The following PEX5L variants were observed in gnomAD, a reference collection of about 807,000 sequenced individuals.
The protein encoded by PEX5L is PEX5-related protein.
PEX5L carries 30 observed loss-of-function variants against 84.0 expected under a neutral mutation model. The observed-to-expected ratio is 0.36, with a 90% CI of 0.27 to 0.48. PEX5L has a LOEUF of 0.48. Ranked by LOEUF, PEX5L falls within the 20% of genes least tolerant of loss-of-function variation. PEX5L has a pLI of 0.99. For missense variants in PEX5L, 533 were observed against 754.6 expected (o/e 0.71, Z 3.44); for synonymous variants, 270 against 283.1 (o/e 0.95, Z 0.46).
intron 2 of PEX5L, among the ~76,000 whole-genome samples, chr3:179,930,728 C>T: frequency 6.6e-6 from 1 of 152,196 alleles, no homozygotes; most frequent in East Asian, 1.9e-4. Context: ...TAATTTTACT[C>T]TAAAAATGGT....
intron 2 of PEX5L, among the ~76,000 whole-genome samples, chr3:179,939,349 C>T (rs574330056): frequency 8.5e-5 from 13 of 152,296 alleles, no homozygotes; most frequent in South Asian, 8.3e-4. Flanking sequence ...CCACATACCT[C>T]GATAACTTGT....
intron 7 of PEX5L, among the ~76,000 whole-genome samples, chr3:179,871,961 A>T (rs987543703): frequency 6.6e-6 from 1 of 152,092 alleles, no homozygotes; most frequent in African/African-American, 2.4e-5. Flanking sequence ...GTCTTAGCTC[A>T]CTGTAGCCTC....
chr3:179,986,662 A>G (rs1012815472), intron 1 of PEX5L, among the ~76,000 whole-genome samples: 5 of 152,022 alleles, frequency 3.3e-5, no homozygotes, highest in Admixed American at 2.0e-4. Flanking sequence ...TTGGCCTCCC[A>G]AAGTGCTGGG....
intron 1 of PEX5L, among the ~76,000 whole-genome samples, chr3:180,007,809 TG>T (rs1789058389): frequency 6.6e-6 from 1 of 152,326 alleles, no homozygotes; most frequent in Admixed American, 6.5e-5. Flanking sequence ...CCGGAGTGGT[TG>T]GGACACAGGC....
At chr3:179,920,537 G>A (rs1389722488) in intron 2 of PEX5L, among the ~76,000 whole-genome samples, 1 of 152,164 alleles carries the variant, frequency 6.6e-6, no homozygotes, top group Non-Finnish European at 1.5e-5. Flanking sequence ...CAGGTTAACA[G>A]GTGAACCTTA....
At chr3:180,003,409 A>T (rs1265928390) in intron 1 of PEX5L, among the ~76,000 whole-genome samples, 1 of 152,146 alleles carries the variant, frequency 6.6e-6, no homozygotes, top group Non-Finnish European at 1.5e-5. Context: ...AAAAGAAAAA[A>T]ATAACCTGCC....
At chr3:180,008,867 G>T (rs181493490) in intron 1 of PEX5L, among the ~76,000 whole-genome samples, 2 of 152,302 alleles carry the variant, frequency 1.3e-5, no homozygotes, top group East Asian at 3.9e-4. Context: ...GAGAATATGG[G>T]TGGGGAGACA....
chr3:179,833,748 CCTGA>C (rs1733960761), intron 8 of PEX5L, among the ~76,000 whole-genome samples: 1 of 152,146 alleles, frequency 6.6e-6, no homozygotes, highest in South Asian at 2.1e-4. Context: ...GCAATAGGTG[CCTGA>C]CTACCTAGTC....
chr3:179,823,726 AG>A (rs1421167389), intron 8 of PEX5L, among the ~76,000 whole-genome samples: 6 of 152,350 alleles, frequency 3.9e-5, no homozygotes, highest in Admixed American at 1.3e-4. Context: ...GTTTGAAAGA[AG>A]AAAGATGTGT....
rs1789936543 is a variant in PEX5L at position 180,016,244 on chromosome 3, TTA to T, written c.21+20333_21+20334del. ...GGGGAAGGATGACTTTGATCAATGATTATATCATAATACTTAAAGTTTTATTA... is the reference window on the plus strand; with the variant it reads ...GGGGAAGGATGACTTTGATCAATGATTATCATAATACTTAAAGTTTTATTA... On this transcript the variant is annotated intron_variant, in intron 1 of 14. Coordinates refer to ENST00000467460, the MANE Select transcript of PEX5L (RefSeq NM_016559.3). 1.3e-5 allele frequency among the ~76,000 whole-genome samples: 2 copies of T among 152,210 alleles called. 1 individual carries two copies. Among genetic ancestry groups the T allele is most frequent in the East Asian group, 3.8e-4 (2 of 5,204 alleles).
intron 10 of PEX5L, among the ~76,000 whole-genome samples, chr3:179,814,000 T>C (rs1486855462): frequency 1.3e-5 from 2 of 151,452 alleles, no homozygotes; most frequent in Middle Eastern, 3.4e-3. Flanking sequence ...TTTGTATTTT[T>C]ACTAGAGACG....
intron 1 of PEX5L, among the ~76,000 whole-genome samples, chr3:180,024,607 A>G (rs979635594): frequency 6.6e-6 from 1 of 151,468 alleles, no homozygotes; most frequent in African/African-American, 2.4e-5. Context: ...AAAATAGACA[A>G]GTCCACTGGA....
At chr3:179,903,402 A>AT (rs60091108) in intron 2 of PEX5L, among the ~76,000 whole-genome samples, 26 of 151,922 alleles carry the variant, frequency 1.7e-4, no homozygotes, top group African/African-American at 5.3e-4. Flanking sequence ...ATTTAAAAAA[A>AT]TTTTTTTCTT....
intron 7 of PEX5L, among the ~76,000 whole-genome samples, chr3:179,871,100 CTTTTTTTTTTTT>C (rs397801213): frequency 2.1e-5 from 2 of 95,032 alleles, no homozygotes; most frequent in Admixed American, 1.1e-4. Flanking sequence ...TTGAGTTATA[CTTTTTTTTTTTT>C]TTTTTTTTTT....
intron 2 of PEX5L, among the ~76,000 whole-genome samples, chr3:179,930,302 T>C (rs1578603421): frequency 6.6e-6 from 1 of 152,218 alleles, no homozygotes; most frequent in Non-Finnish European, 1.5e-5. Context: ...TAACTTCCTT[T>C]CCAGAGGCTT....
intron 1 of PEX5L, among the ~76,000 whole-genome samples, chr3:180,004,059 C>T (rs6771088): frequency 0.2 from 30,359 of 152,092 alleles, 4,752 homozygotes; most frequent in African/African-American, 0.44. Context: ...ATATTTGGAA[C>T]AGCCTTTTCA....
intron 2 of PEX5L, among the ~76,000 whole-genome samples, chr3:179,959,666 A>AT (rs1560927990): frequency 1.3e-5 from 2 of 152,028 alleles, no homozygotes; most frequent in African/African-American, 2.4e-5. Flanking sequence ...ATGAAAAATT[A>AT]TATTTTTTCA....
chr3:179,908,165 C>T (rs547064605), intron 2 of PEX5L, among the ~76,000 whole-genome samples: 1 of 152,284 alleles, frequency 6.6e-6, no homozygotes, highest in African/African-American at 2.4e-5. Flanking sequence ...TGGGTTGGCT[C>T]CTCATAATGC....
chr3:179,879,338 CTGT>C (rs749526815), intron 5 of PEX5L, among the ~76,000 whole-genome samples: 3 of 152,182 alleles, frequency 2.0e-5, no homozygotes, highest in Non-Finnish European at 2.9e-5. Context: ...CAAATTTCAA[CTGT>C]TCTTCTTATA....
Sources: allele counts gnomAD v4.1 joint callset (sites outside exome capture counted in the v4.1 genomes callset), GRCh38; gene constraint gnomAD v4.1.1; transcripts MANE v1.5; gene names NCBI Gene and HGNC (gene_info 2026-07-23, HGNC 2026-07-21).